The following ANO1 variants were observed in gnomAD, a reference collection of about 807,000 sequenced individuals.
The protein encoded by ANO1 is anoctamin 1.
ANO1 carries 59 observed loss-of-function variants against 124.0 expected under a neutral mutation model. That is an observed-to-expected ratio of 0.48 (90% CI 0.39 to 0.59). The LOEUF is 0.59. Ranked by LOEUF, ANO1 falls within the 20% of genes least tolerant of loss-of-function variation. The pLI, the probability that ANO1 is intolerant of heterozygous loss-of-function variation, is 0.00. For synonymous variants in ANO1, 529 were observed against 532.0 expected (o/e 0.99, Z 0.08); for missense variants, 1,059 against 1,328.0 (o/e 0.80, Z 3.15).
At chr11:70,073,432 T>A (rs1409064172), upstream of ANO1, among the ~76,000 whole-genome samples, 12 of 152,226 alleles carry the variant, frequency 7.9e-5, no homozygotes, top group African/African-American at 2.7e-4. Context: ...ACTTAACATT[T>A]GTAAAGAGCT....
chr11:70,010,173 G>GTATATATATA lies in ANO1; in HGVS notation c.58+24008_58+24009insATATATATAT, dbSNP rs1565159722. On this transcript the variant is annotated intron_variant, in intron 1 of 27. Transcript: ENST00000531349. ...TGTGTGTGTGTGTGTGTGCGCGTGT[G>GTATATATATA]TGTGTGTATATATATATATATATAT... Among the ~76,000 whole-genome samples the GTATATATATA allele has an allele frequency of 2.2e-4, 11 of 50,640 alleles. 2 individuals are homozygous for GTATATATATA. The highest frequency in any genetic ancestry group is 6.5e-4 in the African/African-American group (11 of 16,828). The allele number at this position is 50,640 out of a possible 152,430, so 33.2% of individuals were successfully genotyped here.
At chr11:70,095,394 G>GA (rs1485851785) in intron 2 of ANO1, among the ~76,000 whole-genome samples, 14 of 38,220 alleles carry the variant, frequency 3.7e-4, no homozygotes, top group Admixed American at 9.8e-4. Context: ...AAGAAAGAAA[G>GA]AAAGAAAGAA....
chr11:70,165,434 C>G (rs1231207178), intron 19 of ANO1, 36 bp from the exon 20 acceptor site: 1 of 1,554,152 alleles, frequency 6.4e-7, no homozygotes, highest in East Asian at 2.3e-5. Context: ...CTCTCGGTGT[C>G]CCTGTAGCGT....
chr11:69,984,876 G>A (rs1426374964), upstream of ANO1, among the ~76,000 whole-genome samples: 4 of 152,230 alleles, frequency 2.6e-5, no homozygotes, highest in Admixed American at 2.0e-4. Context: ...TGTCCCCCAC[G>A]GCCTCTCCTG....
At chr11:70,140,522 ACT>A (rs773620038) in intron 11 of ANO1, among the ~76,000 whole-genome samples, 2 of 151,712 alleles carry the variant, frequency 1.3e-5, no homozygotes, top group Non-Finnish European at 2.9e-5. Flanking sequence ...CAAGAGCAAG[ACT>A]CTGTCTCAAG....
the ANO1 span, among the ~76,000 whole-genome samples, chr11:69,967,959 G>A: frequency 1.8e-4 from 28 of 152,330 alleles, no homozygotes; most frequent in African/African-American, 5.8e-4. Flanking sequence ...TGCTGGGCCT[G>A]CTGTGTCTCG....
At chr11:70,002,640 G>A (rs1314672804) in intron 1 of ANO1, among the ~76,000 whole-genome samples, 6 of 152,182 alleles carry the variant, frequency 3.9e-5, no homozygotes, top group Non-Finnish European at 8.8e-5. Context: ...ACACTATGAT[G>A]AAAACACCTA....
intron 1 of ANO1, among the ~76,000 whole-genome samples, chr11:69,993,877 T>C (rs1007541138): frequency 6.6e-6 from 1 of 152,192 alleles, no homozygotes; most frequent in Admixed American, 6.5e-5. Flanking sequence ...TCATCCCCTC[T>C]TCCCTGCTCC....
the ANO1 span, among the ~76,000 whole-genome samples, chr11:69,970,432 C>T: frequency 2.6e-5 from 4 of 152,320 alleles, no homozygotes; most frequent in South Asian, 8.3e-4. Flanking sequence ...ATCGATCAGT[C>T]CTCCTGGGAA....
chr11:70,105,623 C>A, intron 4 of ANO1, 111 bp from the exon 5 acceptor site: 1 of 1,008,412 alleles, frequency 9.9e-7, no homozygotes, highest in Non-Finnish European at 1.6e-6. Flanking sequence ...GAGTTCTGTC[C>A]ATTTCACGGT....
chr11:70,023,214 A>G (rs1470495716), intron 1 of ANO1, among the ~76,000 whole-genome samples: 1 of 152,238 alleles, frequency 6.6e-6, no homozygotes, highest in Middle Eastern at 3.4e-3. Flanking sequence ...GCGCTGGGAG[A>G]TGAGGGGAAA....
At chr11:70,007,458 A>G (rs1856515534) in intron 1 of ANO1, among the ~76,000 whole-genome samples, 1 of 151,766 alleles carries the variant, frequency 6.6e-6, no homozygotes, top group Non-Finnish European at 1.5e-5. Context: ...TAGTATTTTT[A>G]TTAGAGACGG....
chr11:70,100,121 A>G (rs1344826433), intron 2 of ANO1, among the ~76,000 whole-genome samples: 1 of 152,120 alleles, frequency 6.6e-6, no homozygotes, highest in African/African-American at 2.4e-5. Context: ...TGTCTCCCTG[A>G]AGCAGCTTCA....
intron 1 of ANO1, among the ~76,000 whole-genome samples, chr11:70,033,533 T>A (rs569657642): frequency 6.6e-6 from 1 of 152,124 alleles, no homozygotes; most frequent in Non-Finnish European, 1.5e-5. Context: ...GCCTGAGGCG[T>A]CTATGAGGAC....
Position 70,161,239 on chromosome 11 carries a change from T to A in ANO1, c.1657T>A (p.Ser553Thr). The A allele has an allele frequency of 6.2e-7, 1 of 1,613,672 alleles. No homozygotes were observed. The change falls in exon 17 of 26, where the codon TCC becomes ACC. Residue 553 changes from serine to threonine, a missense_variant. Physicochemically the swap from Ser to Thr is moderately conservative, Grantham distance 58 (BLOSUM62 1). Coordinates refer to ENST00000355303, the MANE Select transcript of ANO1 (RefSeq NM_018043.7). ...SMAAALAMNS[S>T]PSVRSNIRVT... ...GGCCGCCGCCTTGGCCATGAACTCC[T>A]CCCCCTCCGTGCGGTCCAACATCCG...
rs2048208473 is a variant in ANO1, at chr11:70,165,245, C to A, written c.1951-225C>A. ...GAGGACATCAGTCCTCAGATGGGCG[C>A]CCCATCTGAAAACACCCCAGCATGA... On this transcript the variant is annotated intron_variant, in intron 19 of 25. Transcript: ENST00000355303. 3 of 556,516 alleles carry A rather than the reference C, an allele frequency of 5.4e-6. No homozygotes were observed. In the African/African-American group the frequency reaches 5.7e-5, roughly 11 times the overall value. The allele number at this position is 556,516 out of a possible 1,614,324, so 34.5% of individuals were successfully genotyped here. A position where few individuals can be genotyped will look rare whatever the true frequency, so the allele number is the denominator to read the frequency against.
intron 2 of ANO1, among the ~76,000 whole-genome samples, chr11:70,096,690 G>A (rs11601670): frequency 0.041 from 6,159 of 152,036 alleles, 131 homozygotes; most frequent in Middle Eastern, 0.054. Context: ...GTGAAACCCC[G>A]TCTCTACTAA....
chr11:70,144,833 G>A (rs946720582), intron 11 of ANO1, among the ~76,000 whole-genome samples: 1 of 152,234 alleles, frequency 6.6e-6, no homozygotes, highest in Non-Finnish European at 1.5e-5. Flanking sequence ...CCTGGGTCCA[G>A]GTTTCTGCCC....
chr11:70,083,239 C>G (rs2044254920), intron 1 of ANO1, among the ~76,000 whole-genome samples: 1 of 152,172 alleles, frequency 6.6e-6, no homozygotes, highest in Admixed American at 6.5e-5. Flanking sequence ...CTGTTGGAAA[C>G]TCTTTACAAG....
Sources: allele counts gnomAD v4.1 joint callset (sites outside exome capture counted in the v4.1 genomes callset), GRCh38; gene constraint gnomAD v4.1.1; transcripts MANE v1.5; gene names NCBI Gene and HGNC (gene_info 2026-07-23, HGNC 2026-07-21).